XG: variants seen among roughly 807,000 people sequenced by gnomAD.
The protein encoded by XG is glycoprotein Xg.
XG carries 24 observed loss-of-function variants against 25.7 expected under a neutral mutation model. The observed-to-expected ratio is 0.93, with a 90% CI of 0.68 to 1.31. The LOEUF (loss-of-function observed/expected upper bound fraction) is 1.31. XG is among the 40% of genes most tolerant of loss of function. The pLI, the probability that XG is intolerant of heterozygous loss-of-function variation, is 0.00. For synonymous variants in XG, 77 were observed against 69.2 expected, an observed-to-expected ratio of 1.11 and a Z score of -0.56; for missense variants, 181 against 187.6, an observed-to-expected ratio of 0.96 and a Z score of 0.21.
chrX:2,765,052 A>AG, intron 1 of XG, among the ~76,000 whole-genome samples: 1 of 130,150 alleles, frequency 7.7e-6, no homozygotes, highest in South Asian at 2.6e-4. Flanking sequence ...AAAAAAAAAA[A>AG]AAAAAAAAAA....
intron 1 of XG, among the ~76,000 whole-genome samples, chrX:2,766,689 C>T (rs775775898): frequency 1.3e-5 from 2 of 150,630 alleles, no homozygotes; most frequent in South Asian, 2.1e-4. Context: ...CTCAGCCTCC[C>T]GAGTAGCTGG....
At chrX:2,763,809 A>G (rs1456243873) in intron 1 of XG, among the ~76,000 whole-genome samples, 2 of 152,142 alleles carry the variant, frequency 1.3e-5, no homozygotes, top group South Asian at 4.1e-4. Flanking sequence ...AATAGCTCGG[A>G]ATAAACGCCT....
At chrX:2,784,488 T>G (rs2086765002) in intron 4 of XG, among the ~76,000 whole-genome samples, 1 of 106,779 alleles carries the variant, frequency 9.4e-6, no homozygotes, top group Non-Finnish European at 1.9e-5. Context: ...AAGAATCGCT[T>G]GAACCTGGGA....
intron 1 of XG, among the ~76,000 whole-genome samples, chrX:2,761,403 G>T (rs1055747362): frequency 6.6e-6 from 1 of 152,060 alleles, no homozygotes; most frequent in Non-Finnish European, 1.5e-5. Context: ...GAGAATAAAA[G>T]TCTGTGGTTT....
intron 4 of XG, among the ~76,000 whole-genome samples, chrX:2,782,666 G>T (rs1366127160): frequency 1.8e-5 from 2 of 110,998 alleles, no homozygotes; most frequent in East Asian, 2.8e-4. Context: ...CAGATTACCG[G>T]GCTGAGTGGT....
At chrX:2,795,406 T>C (rs2086875656) in intron 6 of XG, among the ~76,000 whole-genome samples, 2 of 107,266 alleles carry the variant, frequency 1.9e-5, no homozygotes, top group African/African-American at 6.7e-5. Flanking sequence ...CATCTTTATA[T>C]ATGTACATAT....
At chrX:2,814,117 T>C (rs1006350663) in intron 10 of XG, among the ~76,000 whole-genome samples, 6 of 110,876 alleles carry the variant, frequency 5.4e-5, no homozygotes, top group African/African-American at 2.0e-4. Context: ...CTTGGTTTTC[T>C]TTTTTTTAAA....
intron 1 of XG, 87 bp from the exon 2 acceptor site, chrX:2,770,463 G>A (rs1392156385): frequency 6.6e-7 from 1 of 1,520,808 alleles, no homozygotes; most frequent in African/African-American, 1.4e-5. Context: ...AGGCTTGCAG[G>A]AGGAGGGGAG....
intron 4 of XG, among the ~76,000 whole-genome samples, chrX:2,789,442 C>T (rs1411783865): frequency 2.3e-4 from 23 of 97,930 alleles, no homozygotes; most frequent in East Asian, 3.7e-4. Flanking sequence ...GGACTTCTTG[C>T]GAAAGCACCA....
intron 7 of XG, among the ~76,000 whole-genome samples, chrX:2,805,201 G>A (rs1022876664): frequency 1.8e-5 from 2 of 112,677 alleles, no homozygotes; most frequent in Non-Finnish European, 3.8e-5. Context: ...GTGGCTGGCC[G>A]CGGAGGGAAG....
chrX:2,773,756 AG>A (rs2050900792), intron 2 of XG, among the ~76,000 whole-genome samples: 1 of 29,676 alleles, frequency 3.4e-5, no homozygotes, highest in Non-Finnish European at 6.9e-5. Context: ...GGAAGGAAGG[AG>A]CGAAGGAAGG....
chrX:2,807,072 T>A (rs2087005012), intron 8 of XG, among the ~76,000 whole-genome samples: 2 of 112,914 alleles, frequency 1.8e-5, no homozygotes, highest in African/African-American at 6.4e-5. Flanking sequence ...TACATGTGCA[T>A]GTGGATTTTG....
At chrX:2,759,840 G>A (rs977261198) in intron 1 of XG, among the ~76,000 whole-genome samples, 10 of 152,226 alleles carry the variant, frequency 6.6e-5, no homozygotes, top group South Asian at 2.1e-4. Flanking sequence ...GGATTCCCCC[G>A]ATGGATCAGG....
At chrX:2,762,708 T>C (rs1026813953) in intron 1 of XG, among the ~76,000 whole-genome samples, 4 of 152,264 alleles carry the variant, frequency 2.6e-5, no homozygotes, top group Admixed American at 2.6e-4. Flanking sequence ...GCAGCCTTCC[T>C]TGTCACTTTC....
rs976083332 is a variant in XG at position 2,768,682 on chromosome X, C to T, written c.62-1868C>T. Among the ~76,000 whole-genome samples the T allele has an allele frequency of 4.7e-4, 71 of 152,262 alleles. 1 individual carries two copies. The East Asian group carries it at 0.01, about 22-fold the overall frequency. The stretch of plus-strand genomic sequence containing the variant: ...ACTCAGACGGCTGAGGCACAAGAAT[C>T]GTTTGAACCCAGGAGGTGGGAGTTG... On this transcript the variant is annotated intron_variant, in intron 1 of 10. Transcript: ENST00000644266.
chrX:2,756,151 A>G (rs1310340036), intron 1 of XG, among the ~76,000 whole-genome samples: 4 of 152,220 alleles, frequency 2.6e-5, no homozygotes, highest in African/African-American at 9.6e-5. Flanking sequence ...CCATATTCCT[A>G]ATAGAGGTTG....
chrX:2,767,856 C>T (rs1319386842), intron 1 of XG, among the ~76,000 whole-genome samples: 1 of 152,178 alleles, frequency 6.6e-6, no homozygotes, highest in Non-Finnish European at 1.5e-5. Flanking sequence ...TGACCAACAA[C>T]GGCCTCGTGT....
At chrX:2,774,152 G>A (rs775837402) in intron 2 of XG, among the ~76,000 whole-genome samples, 1 of 152,118 alleles carries the variant, frequency 6.6e-6, no homozygotes, top group South Asian at 2.1e-4. Flanking sequence ...TCCCAGCCAT[G>A]GCCGACTCCA....
intron 7 of XG, among the ~76,000 whole-genome samples, chrX:2,802,437 A>T: frequency 8.9e-6 from 1 of 111,869 alleles, no homozygotes; most frequent in Middle Eastern, 4.6e-3. Flanking sequence ...GATTACGGGC[A>T]TGAGCCACTG....
Sources: allele counts gnomAD v4.1 joint callset (sites outside exome capture counted in the v4.1 genomes callset), GRCh38; gene constraint gnomAD v4.1.1; transcripts MANE v1.5; gene names NCBI Gene and HGNC (gene_info 2026-07-23, HGNC 2026-07-21).